POLA1: variants seen among roughly 807,000 people sequenced by gnomAD.
The protein encoded by POLA1 is DNA polymerase alpha catalytic subunit.
A neutral mutation model predicts 124.0 loss-of-function variants in POLA1; 15 were observed. The observed-to-expected ratio is 0.12, with a 90% CI of 0.08 to 0.19. POLA1 has a LOEUF of 0.19. POLA1 is among the 10% of genes least tolerant of loss of function. The probability of loss-of-function intolerance (pLI) is 1.00; values close to 1 mark genes in which losing one functional copy is unlikely to be tolerated. For synonymous variants in POLA1, 408 were observed against 389.4 expected (o/e 1.05, Z -0.56); for missense variants, 886 against 1,103.4 (o/e 0.80, Z 2.79).
intron 36 of POLA1, among the ~76,000 whole-genome samples, chrX:24,942,552 A>G (rs1042812713): frequency 8.9e-6 from 1 of 112,202 alleles, no homozygotes; most frequent in Non-Finnish European, 1.9e-5. Context: ...CTTTTCTTTA[A>G]GTGCCCTATT....
chrX:24,764,896 C>T (rs1472750713), intron 26 of POLA1, among the ~76,000 whole-genome samples: 1 of 111,303 alleles, frequency 9.0e-6, no homozygotes, highest in East Asian at 2.8e-4. Context: ...GTGGTGTCTC[C>T]CTTCTACTCT....
Position 24,996,948 on chromosome X carries a change from T to A in POLA1, c.*998T>A, listed in dbSNP as rs2048614277. 1 of 111,906 alleles carries A rather than the reference T, an allele frequency of 8.9e-6. No individual in the cohort carries two copies. Among genetic ancestry groups the A allele is most frequent in the Non-Finnish European group, 1.9e-5 (1 of 53,280 alleles). 9.2% of individuals were successfully genotyped at this position (111,906 alleles called of 1,213,427 possible). A position where few individuals can be genotyped will look rare whatever the true frequency, so the allele number is the denominator to read the frequency against. ...TGTTTTTATAAAAGAAAAAGTATGT[T>A]GTGCCTTCTTCTTAAGAATAAAGTT... On this transcript the variant is annotated 3_prime_UTR_variant, in exon 37 of 37. Coordinates refer to ENST00000379068, the MANE Select transcript of POLA1 (RefSeq NM_001330360.2).
intron 26 of POLA1, among the ~76,000 whole-genome samples, chrX:24,795,907 G>C (rs2148475561): frequency 9.0e-6 from 1 of 111,410 alleles, no homozygotes; most frequent in Non-Finnish European, 1.9e-5. Context: ...AAAACTGTGA[G>C]ACATTTGATG....
intron 34 of POLA1, among the ~76,000 whole-genome samples, chrX:24,846,622 C>T (rs1320234559): frequency 8.9e-6 from 1 of 111,835 alleles, no homozygotes; most frequent in African/African-American, 3.3e-5. Flanking sequence ...TGTTCCCCCT[C>T]CCCTTAAATT....
chrX:24,891,791 T>A (rs1032717538), intron 35 of POLA1, among the ~76,000 whole-genome samples: 1 of 112,003 alleles, frequency 8.9e-6, no homozygotes, highest in East Asian at 2.8e-4. Context: ...TTACACAGAT[T>A]ATATAAAATT....
rs774550910 is a variant in POLA1, at chrX:24,770,904, GT to G, written c.2964+21920del. Among the ~76,000 whole-genome samples the G allele has an allele frequency of 7.2e-5, 8 of 110,755 alleles. No homozygotes were observed. In the East Asian group the frequency reaches 1.4e-3, roughly 20 times the overall value. On this transcript the variant is annotated intron_variant, in intron 26 of 36. Coordinates refer to ENST00000379068, the MANE Select transcript of POLA1 (RefSeq NM_001330360.2). ...GGGGGCAGGAACTGGAAGGGGGTTA[GT>G]TTTTTTTAGGATGAAAAGTTGCTGC...
chrX:24,982,272 A>G (rs985340885), intron 36 of POLA1, among the ~76,000 whole-genome samples: 1 of 111,296 alleles, frequency 9.0e-6, no homozygotes, highest in African/African-American at 3.3e-5. Context: ...GATGTGCTCA[A>G]TTGCTACCAG....
At chrX:24,945,486 CTG>C (rs2047950565) in intron 36 of POLA1, among the ~76,000 whole-genome samples, 1 of 112,398 alleles carries the variant, frequency 8.9e-6, no homozygotes, top group Non-Finnish European at 1.9e-5. Flanking sequence ...ATCTTGATAA[CTG>C]TGTTTTAGTT....
At chrX:24,699,366 T>G in intron 1 of POLA1, 59 bp from the exon 2 acceptor site, 1 of 1,015,133 alleles carries the variant, frequency 9.9e-7, no homozygotes, top group South Asian at 2.8e-5. Context: ...CCTTTGTGTT[T>G]GAGGGAAGAT....
At chrX:24,813,643 G>A (rs1350929552) in intron 29 of POLA1, among the ~76,000 whole-genome samples, 4 of 111,093 alleles carry the variant, frequency 3.6e-5, no homozygotes, top group South Asian at 7.5e-4. Flanking sequence ...GGGAAACCCC[G>A]TCTCTACTAA....
At chrX:24,964,333 ATTATAG>A (rs1464476378) in intron 36 of POLA1, among the ~76,000 whole-genome samples, 6 of 112,839 alleles carry the variant, frequency 5.3e-5, no homozygotes, top group Non-Finnish European at 9.4e-5. Flanking sequence ...TACAAAGTAA[ATTATAG>A]TTATTAGAGT....
intron 32 of POLA1, among the ~76,000 whole-genome samples, chrX:24,834,831 T>TTATA (rs755453731): frequency 9.2e-6 from 1 of 108,396 alleles, no homozygotes; most frequent in South Asian, 3.9e-4. Flanking sequence ...AAAATGTATA[T>TTATA]TATATATATA....
chrX:24,948,794 T>C (rs751595761), intron 36 of POLA1, among the ~76,000 whole-genome samples: 2 of 111,997 alleles, frequency 1.8e-5, no homozygotes, highest in Non-Finnish European at 3.8e-5. Context: ...AAATTAGAAT[T>C]TTAAAAAACA....
intron 36 of POLA1, among the ~76,000 whole-genome samples, chrX:24,974,919 G>A (rs1443754523): frequency 8.9e-6 from 1 of 112,657 alleles, no homozygotes; most frequent in Non-Finnish European, 1.9e-5. Context: ...CGGAATCCTC[G>A]ATAGTATTTT....
At chrX:24,930,748 T>C (rs1486749879) in intron 36 of POLA1, among the ~76,000 whole-genome samples, 199 bp downstream of exon 36, 1 of 112,141 alleles carries the variant, frequency 8.9e-6, no homozygotes, top group Non-Finnish European at 1.9e-5. Flanking sequence ...CCACAGCCTG[T>C]TTCACATTGT....
At chrX:24,978,245 A>G (rs1444423002) in intron 36 of POLA1, among the ~76,000 whole-genome samples, 2 of 111,874 alleles carry the variant, frequency 1.8e-5, no homozygotes, top group Non-Finnish European at 3.8e-5. Context: ...TAGGAATTCA[A>G]TATTTGTAAA....
chrX:24,824,520 G>A, intron 31 of POLA1, among the ~76,000 whole-genome samples: 1 of 98,204 alleles, frequency 1.0e-5, no homozygotes, highest in South Asian at 5.0e-4. Context: ...TGTCACCCAA[G>A]CTGGTGTTGA....
chrX:24,797,920 C>A (rs1345592294), intron 26 of POLA1, among the ~76,000 whole-genome samples: 1 of 107,524 alleles, frequency 9.3e-6, no homozygotes, highest in Non-Finnish European at 1.9e-5. Context: ...TGGTGGGGTG[C>A]GCCTATAGTC....
chrX:24,728,997 A>T (rs1166163198), intron 15 of POLA1, among the ~76,000 whole-genome samples: 2 of 112,150 alleles, frequency 1.8e-5, no homozygotes, highest in Non-Finnish European at 3.8e-5. Context: ...TAGGTGATGC[A>T]GTGTACTTCA....
Sources: allele counts gnomAD v4.1 joint callset (sites outside exome capture counted in the v4.1 genomes callset), GRCh38; gene constraint gnomAD v4.1.1; transcripts MANE v1.5; gene names NCBI Gene and HGNC (gene_info 2026-07-23, HGNC 2026-07-21).